COL4A6: variants seen among roughly 807,000 people sequenced by gnomAD.
COL4A6 encodes the protein collagen type IV alpha 6 chain, also known as collagen alpha-6(IV) chain.
In COL4A6, 59 loss-of-function variants were observed where a neutral mutation model predicts 126.7. The ratio of observed to expected loss-of-function variants is 0.47; its 90% confidence interval spans 0.38 to 0.58. COL4A6 has a LOEUF of 0.58. COL4A6 is among the 20% of genes least tolerant of loss of function. COL4A6 has a pLI of 0.00. For missense variants in COL4A6, 1,285 were observed against 1,337.3 expected, an observed-to-expected ratio of 0.96 and a Z score of 0.61; for synonymous variants, 547 against 496.6, an observed-to-expected ratio of 1.10 and a Z score of -1.35.
At chrX:108,230,466 G>A (rs903341498) in intron 3 of COL4A6, among the ~76,000 whole-genome samples, 3 of 111,381 alleles carry the variant, frequency 2.7e-5, no homozygotes, top group Non-Finnish European at 5.7e-5. Context: ...CTAGAAACAA[G>A]GTGGCTTGAT....
chrX:108,310,053 T>C (rs770551850), intron 3 of COL4A6, among the ~76,000 whole-genome samples: 6 of 111,225 alleles, frequency 5.4e-5, no homozygotes, highest in Non-Finnish European at 7.5e-5. Flanking sequence ...TGGGTTATAA[T>C]AAAAATGCAT....
intron 3 of COL4A6, among the ~76,000 whole-genome samples, chrX:108,250,261 G>A (rs2036819092): frequency 9.1e-6 from 1 of 110,431 alleles, no homozygotes; most frequent in African/African-American, 3.3e-5. Flanking sequence ...TCTGAAAGCT[G>A]GAGGCAAAGA....
In COL4A6 at chrX:108,219,843, T is replaced by C. The variant is rs1209730345; in HGVS notation, c.280-101A>G. 2.3e-5 allele frequency: 16 copies of C among 692,721 alleles called. No homozygotes were observed. The Admixed American group carries it at 3.4e-4, about 15-fold the overall frequency. 57.1% of individuals were successfully genotyped at this position (692,721 alleles called of 1,213,427 possible). A position where few individuals can be genotyped will look rare whatever the true frequency, so the allele number is the denominator to read the frequency against. ...GTCAATGGCCTACATTTTTAAGAAG[T>C]GTTTCGTACCCCCCTCCCCATATTG... On this transcript the variant is annotated intron_variant, in intron 4 of 44. Transcript: ENST00000334504.
intron 15 of COL4A6, among the ~76,000 whole-genome samples, chrX:108,194,865 C>G (rs1471464707): frequency 9.0e-6 from 1 of 111,675 alleles, no homozygotes; most frequent in Non-Finnish European, 1.9e-5. Flanking sequence ...AGATGTATGA[C>G]CACAGCATGG....
At chrX:108,212,231 TAAA>T (rs35020607) in intron 6 of COL4A6, among the ~76,000 whole-genome samples, 1 of 98,428 alleles carries the variant, frequency 1.0e-5, no homozygotes. Flanking sequence ...TTTTATTATT[TAAA>T]AAAAAAAAAA....
At chrX:108,398,287 A>G (rs567002359) in intron 2 of COL4A6, among the ~76,000 whole-genome samples, 1 of 112,111 alleles carries the variant, frequency 8.9e-6, no homozygotes, top group African/African-American at 3.2e-5. Context: ...CATTTTATGT[A>G]AAGAATCAAA....
chrX:108,430,173 A>T (rs1426982568), intron 2 of COL4A6, among the ~76,000 whole-genome samples: 1 of 111,981 alleles, frequency 8.9e-6, no homozygotes, highest in African/African-American at 3.2e-5. Flanking sequence ...CTGGGTATTA[A>T]GGATTGAGTA....
At chrX:108,284,007 GA>G (rs1439947997) in intron 3 of COL4A6, among the ~76,000 whole-genome samples, 1 of 111,457 alleles carries the variant, frequency 9.0e-6, no homozygotes, top group African/African-American at 3.3e-5. Context: ...CCAAAATACA[GA>G]GGCAGAAATA....
intron 3 of COL4A6, among the ~76,000 whole-genome samples, chrX:108,246,612 AAGG>A (rs1026053033): frequency 3.6e-5 from 4 of 111,939 alleles, no homozygotes; most frequent in Non-Finnish European, 7.5e-5. Context: ...TGAAAAGGTG[AAGG>A]AGACTTTTGA....
intron 2 of COL4A6, among the ~76,000 whole-genome samples, chrX:108,358,098 C>T (rs768368339): frequency 2.2e-4 from 24 of 111,584 alleles, no homozygotes; most frequent in African/African-American, 7.5e-4. Flanking sequence ...TAGGGTGCCC[C>T]AGATGCACAC....
intron 2 of COL4A6, among the ~76,000 whole-genome samples, chrX:108,364,773 A>G (rs970562410): frequency 3.6e-5 from 4 of 112,038 alleles, no homozygotes; most frequent in African/African-American, 1.3e-4. Flanking sequence ...ATGGTTGAAT[A>G]GTATTCCATT....
chrX:108,430,340 T>C (rs190748404), intron 2 of COL4A6, among the ~76,000 whole-genome samples: 95 of 111,027 alleles, frequency 8.6e-4, no homozygotes, highest in Non-Finnish European at 1.6e-3. Flanking sequence ...ACACCATGAG[T>C]TTGGAAAGAA....
At chrX:108,169,105 C>T (rs1348318412) in intron 37 of COL4A6, among the ~76,000 whole-genome samples, 1 of 111,260 alleles carries the variant, frequency 9.0e-6, no homozygotes, top group East Asian at 2.8e-4. Context: ...ACACTGTCTT[C>T]CCAGGGCCCT....
At chrX:108,251,310 T>G (rs2036846264) in intron 3 of COL4A6, among the ~76,000 whole-genome samples, 1 of 111,775 alleles carries the variant, frequency 8.9e-6, no homozygotes, top group Non-Finnish European at 1.9e-5. Context: ...CCAAGTAGCC[T>G]GCAAATGTGA....
At chrX:108,413,527 C>T (rs1185634627) in intron 2 of COL4A6, among the ~76,000 whole-genome samples, 1 of 111,248 alleles carries the variant, frequency 9.0e-6, no homozygotes, top group Admixed American at 9.5e-5. Context: ...GGCGCGATCT[C>T]GGCTCACTGC....
intron 3 of COL4A6, among the ~76,000 whole-genome samples, chrX:108,307,356 T>A (rs745481528): frequency 8.9e-6 from 1 of 112,027 alleles, no homozygotes; most frequent in Non-Finnish European, 1.9e-5. Flanking sequence ...ATTTGTTGCA[T>A]ACATACAGGA....
intron 13 of COL4A6, 127 bp downstream of exon 13, chrX:108,202,801 C>A: frequency 1.8e-6 from 1 of 562,274 alleles, no homozygotes; most frequent in Non-Finnish European, 3.0e-6. Context: ...TAAATACCTT[C>A]TAATAATAAA....
intron 2 of COL4A6, among the ~76,000 whole-genome samples, chrX:108,431,270 C>A (rs1266000109): frequency 8.9e-6 from 1 of 111,850 alleles, no homozygotes; most frequent in African/African-American, 3.2e-5. Flanking sequence ...ATAAGGAGAA[C>A]TAGTGAGGCA....
chrX:108,366,145 G>T (rs1426722131), intron 2 of COL4A6, among the ~76,000 whole-genome samples: 1 of 111,605 alleles, frequency 9.0e-6, no homozygotes, highest in East Asian at 2.8e-4. Flanking sequence ...GAAATGTCCA[G>T]TTCATGAGAC....
Sources: gnomAD v4.1 joint callset for allele counts (sites outside exome capture counted in the v4.1 genomes callset) on GRCh38, gnomAD v4.1.1 for gene constraint, MANE v1.5 for transcripts, NCBI Gene and HGNC (gene_info 2026-07-23, HGNC 2026-07-21) for gene names.